The following IGF2R variants were observed in gnomAD, a reference collection of about 807,000 sequenced individuals.
IGF2R encodes insulin like growth factor 2 receptor, also known as cation-independent mannose-6-phosphate receptor.
Under a neutral mutation model 270.6 loss-of-function variants are expected in IGF2R, and 91 were observed. The observed-to-expected ratio is 0.34, with a 90% CI of 0.28 to 0.40. The LOEUF is 0.40. Ranked by LOEUF, IGF2R falls within the 10% of genes least tolerant of loss-of-function variation. IGF2R has a pLI of 1.00. For synonymous variants in IGF2R, 1,316 were observed against 1,258.9 expected, an observed-to-expected ratio of 1.05 and a Z score of -0.96; for missense variants, 2,805 against 3,188.3, an observed-to-expected ratio of 0.88 and a Z score of 2.90.
intron 29 of IGF2R, among the ~76,000 whole-genome samples, chr6:160,065,814 G>GTGTATATATATATATATA: frequency 7.1e-4 from 56 of 78,354 alleles, no homozygotes; most frequent in South Asian, 1.0e-3. Flanking sequence ...GTGTGTGTGT[G>GTGTATATATATATATATA]TATATATATA....
At position 160,108,168 on chromosome 6, in the gene IGF2R, A is replaced by T. The variant is rs1286156250; in HGVS notation, c.*3084A>T. ...GGGAGGTACACTCATGTCCTTTCTT[A>T]CTTCTCCGGTTCCACTCTGTTGACT... On this transcript the variant is annotated 3_prime_UTR_variant, in exon 48 of 48. Transcript: ENST00000356956. The T allele has an allele frequency of 6.6e-6, 1 of 152,242 alleles. No homozygotes were observed. Among genetic ancestry groups the T allele is most frequent in the South Asian group, 2.1e-4 (1 of 4,824 alleles). The allele number at this position is 152,242 out of a possible 1,614,324, so 9.4% of individuals were successfully genotyped here.
chr6:160,077,901 A>G (rs1336223419), intron 36 of IGF2R, among the ~76,000 whole-genome samples: 4 of 152,220 alleles, frequency 2.6e-5, no homozygotes, highest in Admixed American at 6.5e-5. Context: ...CTCTCATGAC[A>G]TATAAGCCCT....
At chr6:160,056,134 T>C (rs927920676) in intron 19 of IGF2R, among the ~76,000 whole-genome samples, 7 of 152,206 alleles carry the variant, frequency 4.6e-5, no homozygotes, top group African/African-American at 1.4e-4. Context: ...AGGGTACTTT[T>C]CAGAACCTTG....
intron 1 of IGF2R, among the ~76,000 whole-genome samples, chr6:159,986,864 A>G (rs1783896721): frequency 6.6e-6 from 1 of 152,096 alleles, no homozygotes. Flanking sequence ...TTGGCTGTTA[A>G]ATGAACCATA....
At chr6:160,060,298 C>A (rs909436015) in intron 22 of IGF2R, among the ~76,000 whole-genome samples, 9 of 152,190 alleles carry the variant, frequency 5.9e-5, no homozygotes, top group African/African-American at 2.2e-4. Flanking sequence ...AGTGTGTAAA[C>A]CTGTTGTAAC....
intron 18 of IGF2R, 133 bp downstream of exon 18, chr6:160,048,676 G>C: frequency 1.2e-6 from 1 of 821,616 alleles, no homozygotes; most frequent in South Asian, 1.8e-5. Context: ...GTAGGAGTGG[G>C]GCCTCCATGT....
At position 160,060,699 on chromosome 6, in the gene IGF2R, G is replaced by C; in HGVS notation, c.3244G>C (p.Val1082Leu). The C allele has an allele frequency of 6.2e-7, 1 of 1,614,252 alleles. No homozygotes were observed. The highest frequency in any genetic ancestry group is 8.5e-7 in the Non-Finnish European group (1 of 1,180,048). The change falls in exon 23 of 48, where the codon GTG (valine) becomes CTG (leucine). Residue 1082 changes from valine (V) to leucine (L), a missense_variant. Around this residue, in one of 2 missense-constraint regions of IGF2R, gnomAD observed 1,851 missense variants for 2,207.2 expected, o/e 0.84. Coordinates refer to ENST00000356956, the MANE Select transcript of IGF2R (RefSeq NM_000876.4). ...ETALACVPSP[V>L]DCQVTDLAGN... ...CGCGTTGGCCTGTGTTCCTTCTCCAGTGGACTGCCAAGTCACCGGTAAGGC... is the reference window on the plus strand; with the variant it reads ...CGCGTTGGCCTGTGTTCCTTCTCCACTGGACTGCCAAGTCACCGGTAAGGC...
intron 23 of IGF2R, among the ~76,000 whole-genome samples, chr6:160,060,949 T>C (rs1034983392): frequency 1.3e-5 from 2 of 152,328 alleles, no homozygotes; most frequent in Middle Eastern, 3.4e-3. Context: ...TAAGCTATCT[T>C]TTGGGATCAG....
At chr6:159,982,408 T>G (rs1227144467) in intron 1 of IGF2R, among the ~76,000 whole-genome samples, 1 of 152,208 alleles carries the variant, frequency 6.6e-6, no homozygotes, top group African/African-American at 2.4e-5. Flanking sequence ...GAGAATCTTT[T>G]TTGGATGTTC....
intron 20 of IGF2R, 52 bp downstream of exon 20, chr6:160,056,577 C>G: frequency 8.6e-7 from 1 of 1,160,062 alleles, no homozygotes; most frequent in Non-Finnish European, 1.3e-6. Context: ...TGGACATCCT[C>G]AACTCACCCC....
chr6:160,106,263 G>A lies in IGF2R; in HGVS notation c.*1179G>A, dbSNP rs1779618137. The A allele has an allele frequency of 6.5e-6, 1 of 152,762 alleles. No individual in the cohort carries two copies. Among genetic ancestry groups the A allele is most frequent in the Non-Finnish European group, 1.5e-5 (1 of 68,178 alleles). The allele number at this position is 152,762 out of a possible 1,614,324, so 9.5% of individuals were successfully genotyped here. A position where few individuals can be genotyped will look rare whatever the true frequency, so the allele number is the denominator to read the frequency against. ...GAGGGAGGCCGGGCGGTCACAGCATGGAGGAGGAGGGAGGCGCTGCTGGTG... is the reference window on the plus strand; with the variant it reads ...GAGGGAGGCCGGGCGGTCACAGCATAGAGGAGGAGGGAGGCGCTGCTGGTG... On this transcript the variant is annotated 3_prime_UTR_variant, in exon 48 of 48. Transcript: ENST00000356956.
chr6:160,053,335 G>A (rs534875096), intron 19 of IGF2R, among the ~76,000 whole-genome samples: 50 of 152,184 alleles, frequency 3.3e-4, no homozygotes, highest in Admixed American at 2.2e-3. Flanking sequence ...GATGGGTGCA[G>A]CAAACCAACA....
intron 44 of IGF2R, chr6:160,094,273 G>C (rs1371335691): frequency 3.4e-6 from 1 of 294,634 alleles, no homozygotes; most frequent in East Asian, 8.4e-5. Context: ...GCTGCTGAAT[G>C]CCACACATCC....
chr6:160,074,049 C>T (rs1264104369), intron 35 of IGF2R, 74 bp downstream of exon 35: 16 of 1,070,366 alleles, frequency 1.5e-5, no homozygotes, highest in Non-Finnish European at 1.9e-5. Flanking sequence ...TTGTTTCTTG[C>T]CTTCAGTGGG....
intron 26 of IGF2R, among the ~76,000 whole-genome samples, chr6:160,063,182 G>A (rs1283726528): frequency 1.3e-5 from 2 of 151,780 alleles, no homozygotes; most frequent in Non-Finnish European, 2.9e-5. Flanking sequence ...GGACTACAGG[G>A]TGCCTGCCAC....
intron 44 of IGF2R, 145 bp from the exon 45 acceptor site, chr6:160,096,294 G>C (rs570210759): frequency 1.5e-6 from 1 of 686,030 alleles, no homozygotes; most frequent in South Asian, 1.9e-5. Context: ...CGTAAGCTGT[G>C]AACAGAGTGC....
rs912999962 is a variant in IGF2R at position 160,084,425 on chromosome 6, G to A, written c.6068+241G>A. 6.6e-6 allele frequency among the ~76,000 whole-genome samples: 1 copy of A among 152,184 alleles called. No homozygotes were observed. The highest frequency in any genetic ancestry group is 2.4e-5 in the African/African-American group (1 of 41,428). On this transcript the variant is annotated intron_variant, in intron 40 of 47. Coordinates refer to ENST00000356956, the MANE Select transcript of IGF2R (RefSeq NM_000876.4). The surrounding 1 kb of genome is among the most constrained non-coding windows in gnomAD (Gnocchi z 4.6). ...GGTGACTGGAAACGGAGCCTCTGGA[G>A]CTGGAAGAACCTGGGCGGACTGAGT...
intron 39 of IGF2R, among the ~76,000 whole-genome samples, chr6:160,082,434 C>A (rs1306452589): frequency 6.6e-6 from 1 of 152,038 alleles, no homozygotes; most frequent in Non-Finnish European, 1.5e-5. Flanking sequence ...CTCAGCCTCC[C>A]AAGTAGCTGG....
intron 1 of IGF2R, among the ~76,000 whole-genome samples, chr6:159,986,861 T>C (rs1783896617): frequency 6.6e-6 from 1 of 152,208 alleles, no homozygotes; most frequent in Non-Finnish European, 1.5e-5. Context: ...TGCTTGGCTG[T>C]TAAATGAACC....
Sources: allele counts gnomAD v4.1 joint callset (sites outside exome capture counted in the v4.1 genomes callset), GRCh38; gene constraint gnomAD v4.1.1; regional missense constraint gnomAD v4.1.1; non-coding constraint Gnocchi (gnomAD v3.1); transcripts MANE v1.5; gene names NCBI Gene and HGNC (gene_info 2026-07-23, HGNC 2026-07-21).